MAPK14: variants seen among roughly 807,000 people sequenced by gnomAD.
MAPK14 encodes CSAID-binding protein.
Under a neutral mutation model 49.6 loss-of-function variants are expected in MAPK14, and 16 were observed. The ratio of observed to expected loss-of-function variants is 0.32; its 90% CI spans 0.22 to 0.49. The LOEUF is 0.49. Among genes scored for constraint, MAPK14 ranks in the 20% least tolerant of loss-of-function variants. The pLI, the probability that MAPK14 is intolerant of heterozygous loss-of-function variation, is 0.99. For synonymous variants in MAPK14, 142 were observed against 158.0 expected, an observed-to-expected ratio of 0.90 and a Z score of 0.76; for missense variants, 200 against 441.2, an observed-to-expected ratio of 0.45 and a Z score of 4.90.
chr6:36,042,085 C>G (rs1418992394), intron 1 of MAPK14, among the ~76,000 whole-genome samples: 1 of 152,180 alleles, frequency 6.6e-6, no homozygotes, highest in African/African-American at 2.4e-5. Context: ...ACTGTTCTGA[C>G]AGGAGGAACA....
rs67561112 is a variant in MAPK14, at chr6:36,062,662, C to CTT, written c.305+3327_305+3328dup. Among the ~76,000 whole-genome samples, 152 of 132,406 alleles carry CTT rather than the reference C, an allele frequency of 1.1e-3. 1 individual carries two copies. Among genetic ancestry groups the CTT allele is most frequent in the South Asian group, 3.1e-3 (13 of 4,194 alleles). 86.9% of individuals were successfully genotyped at this position (132,406 alleles called of 152,430 possible). A position where few individuals can be genotyped will look rare whatever the true frequency, so the allele number is the denominator to read the frequency against. Reference sequence around the variant, plus strand: ...AGTTTTTTTTTTTTCTTTTTCTTTTCTTTTTTTTTTTTTGAGGTGGAGTCT... The same window carrying CTT: ...AGTTTTTTTTTTTTCTTTTTCTTTTCTTTTTTTTTTTTTTTGAGGTGGAGTCT... On this transcript the variant is annotated intron_variant, in intron 3 of 11. Coordinates refer to ENST00000229794, the MANE Select transcript of MAPK14 (RefSeq NM_139012.3).
rs576033102 is a variant in MAPK14, at chr6:36,028,381, C to G, written c.116+108C>G. On this transcript the variant is annotated intron_variant, in intron 1 of 11. Transcript: ENST00000229794. This position sits in a 1 kb window ranked among gnomAD's most constrained non-coding sequence, Gnocchi z 5.1. ...TGCGTCAAGTGGCAGGAATTTTCCT[C>G]GGGGGAGGGCATTGCTGCCCCTTCG... The G allele has an allele frequency of 1.1e-5, 8 of 750,482 alleles. No individual in the cohort carries two copies. Among genetic ancestry groups the G allele is most frequent in the South Asian group, 9.8e-5 (6 of 61,198 alleles). The allele number at this position is 750,482 out of a possible 1,614,324, so 46.5% of individuals were successfully genotyped here. A position where few individuals can be genotyped will look rare whatever the true frequency, so the allele number is the denominator to read the frequency against.
At chr6:36,035,773 C>T (rs1762724252) in intron 1 of MAPK14, among the ~76,000 whole-genome samples, 1 of 152,240 alleles carries the variant, frequency 6.6e-6, no homozygotes, top group Non-Finnish European at 1.5e-5. Context: ...CCAACCACAA[C>T]ATGCCCTTAA....
chr6:36,075,822 TTGTC>T lies in MAPK14; in HGVS notation c.496-22_496-19del, dbSNP rs779368938. The T allele has an allele frequency of 2.5e-6, 4 of 1,613,484 alleles. No homozygotes were observed. In the South Asian group the frequency reaches 3.3e-5, roughly 13 times the overall value. On this transcript the variant is annotated intron_variant, in intron 6 of 11. Transcript: ENST00000229794. The stretch of plus-strand genomic sequence containing the variant: ...CTGCCTGTTTCTAAGTCTTAGCAGT[TTGTC>T]TGTTCCTCTTCTGCCCTTTAGATTC...
chr6:36,071,365 C>T (rs1180663237), intron 3 of MAPK14, among the ~76,000 whole-genome samples: 2 of 152,010 alleles, frequency 1.3e-5, no homozygotes, highest in African/African-American at 4.8e-5. Context: ...CTTTTTAGAA[C>T]CGATCTACTT....
intron 3 of MAPK14, 66 bp from the exon 4 acceptor site, chr6:36,072,807 G>A: frequency 2.3e-6 from 2 of 887,884 alleles, no homozygotes; most frequent in East Asian, 2.5e-5. Context: ...ACTTATAAAA[G>A]TCTTCTGAAG....
chr6:36,096,860 G>A (rs1326202424), intron 9 of MAPK14: 1 of 152,202 alleles, frequency 6.6e-6, no homozygotes, highest in Non-Finnish European at 1.5e-5. Flanking sequence ...CCTGCTCTTG[G>A]TCATTTTCTT....
At chr6:36,083,073 A>G (rs1764828629) in intron 8 of MAPK14, among the ~76,000 whole-genome samples, 1 of 152,230 alleles carries the variant, frequency 6.6e-6, no homozygotes, top group African/African-American at 2.4e-5. Context: ...ACAACTAGAA[A>G]TAGCTGCAAT....
chr6:36,060,063 T>A (rs982867943), intron 3 of MAPK14, among the ~76,000 whole-genome samples: 1 of 152,164 alleles, frequency 6.6e-6, no homozygotes, highest in East Asian at 1.9e-4. Flanking sequence ...GAGCCTGGGA[T>A]TCTCAGGAAC....
At chr6:36,083,829 G>A (rs1235095252) in intron 8 of MAPK14, among the ~76,000 whole-genome samples, 1 of 152,192 alleles carries the variant, frequency 6.6e-6, no homozygotes, top group African/African-American at 2.4e-5. Context: ...CCCCAGTGCA[G>A]CACACCCCCT....
At chr6:36,112,416 A>G (rs879911114), downstream of MAPK14, among the ~76,000 whole-genome samples, 2 of 152,202 alleles carry the variant, frequency 1.3e-5, no homozygotes, top group Admixed American at 6.5e-5. Context: ...GATAGGGGAA[A>G]CCTGAATGGA....
chr6:36,073,602 T>C lies in MAPK14; in HGVS notation c.418-89T>C, dbSNP rs1056150727. ...ATCTTACTATTAACACTAGCAGTTC[T>C]TACTGATTCATGAAAATGTGCAGCA... On this transcript the variant is annotated intron_variant, in intron 4 of 11. Coordinates refer to ENST00000229794, the MANE Select transcript of MAPK14 (RefSeq NM_139012.3). 2.7e-5 allele frequency: 27 copies of C among 1,009,490 alleles called. No individual in the cohort carries two copies. The East Asian group carries it at 6.5e-4, about 24-fold the overall frequency. The allele number at this position is 1,009,490 out of a possible 1,614,324, so 62.5% of individuals were successfully genotyped here.
intron 9 of MAPK14, among the ~76,000 whole-genome samples, chr6:36,098,688 GC>G (rs1765531723): frequency 6.6e-6 from 1 of 152,136 alleles, no homozygotes; most frequent in South Asian, 2.1e-4. Flanking sequence ...CAGAAAATGT[GC>G]AGGCCAGGTA....
chr6:36,038,620 T>C (rs184598932), intron 1 of MAPK14, among the ~76,000 whole-genome samples: 3 of 152,108 alleles, frequency 2.0e-5, no homozygotes, highest in Non-Finnish European at 4.4e-5. Flanking sequence ...GATAGAACGG[T>C]GGAGTTAGAT....
intron 2 of MAPK14, among the ~76,000 whole-genome samples, chr6:36,056,756 T>C (rs1457994915): frequency 6.6e-6 from 1 of 152,218 alleles, no homozygotes; most frequent in Non-Finnish European, 1.5e-5. Context: ...GTTTTAAACT[T>C]TTCTATTGTT....
At position 36,107,749 on chromosome 6, in the gene MAPK14, G is replaced by T; in HGVS notation, c.1015+121G>T. The T allele has an allele frequency of 1.7e-6, 1 of 586,850 alleles. No individual in the cohort carries two copies. Among genetic ancestry groups the T allele is most frequent in the East Asian group, 3.1e-5 (1 of 32,444 alleles). 36.4% of individuals were successfully genotyped at this position (586,850 alleles called of 1,614,324 possible). On this transcript the variant is annotated intron_variant, in intron 11 of 11. Transcript: ENST00000229794. The surrounding 1 kb of genome is among the most constrained non-coding windows in gnomAD (Gnocchi z 4.3). ...GTAGATGAGGTCTCTAATGCAGAAT[G>T]AATATGTTCTCTGGTGGAAACTGTT...
At chr6:36,068,318 G>A (rs1169646934) in intron 3 of MAPK14, among the ~76,000 whole-genome samples, 1 of 152,182 alleles carries the variant, frequency 6.6e-6, no homozygotes, top group Non-Finnish European at 1.5e-5. Context: ...ATAATTAGGG[G>A]CAGTGTACTG....
chr6:36,119,482 G>A, the MAPK14 span, among the ~76,000 whole-genome samples: 367 of 152,300 alleles, frequency 2.4e-3, no homozygotes, highest in Middle Eastern at 6.8e-3. Flanking sequence ...AACATCATTT[G>A]TAATAGCAGG....
chr6:36,089,706 G>T (rs564048106), intron 8 of MAPK14, among the ~76,000 whole-genome samples: 3 of 152,134 alleles, frequency 2.0e-5, no homozygotes, highest in Non-Finnish European at 4.4e-5. Flanking sequence ...TAAAAGCCTA[G>T]TTGACTAGGG....
Sources: allele counts gnomAD v4.1 joint callset (sites outside exome capture counted in the v4.1 genomes callset), GRCh38; gene constraint gnomAD v4.1.1; non-coding constraint Gnocchi (gnomAD v3.1); transcripts MANE v1.5; gene names NCBI Gene and HGNC (gene_info 2026-07-23, HGNC 2026-07-21).